SPATA6L: variants seen among roughly 807,000 people sequenced by gnomAD.
SPATA6L encodes the protein spermatogenesis associated 6 like, also known as spermatogenesis associated 6-like protein.
In SPATA6L, 68 loss-of-function variants were observed where a neutral mutation model predicts 49.2. That is an observed-to-expected ratio of 1.38 (90% CI 1.14 to 1.69). SPATA6L has a LOEUF of 1.69. SPATA6L is among the 40% of genes most tolerant of loss of function. The pLI, the probability that SPATA6L is intolerant of heterozygous loss-of-function variation, is 0.00. For synonymous variants in SPATA6L, 198 were observed against 165.7 expected (o/e 1.19, Z -1.50); for missense variants, 668 against 464.3 (o/e 1.44, Z -4.03).
intron 3 of SPATA6L, chr9:4,646,202 G>GA (rs2130678761): frequency 4.5e-6 from 1 of 220,092 alleles, no homozygotes; most frequent in South Asian, 1.4e-4. Context: ...AGCCAGGACT[G>GA]AAAAAATTAT....
At chr9:4,646,577 C>G (rs3780400) in intron 3 of SPATA6L, 87,313 of 1,168,276 alleles carry the variant, frequency 0.075, 3,509 homozygotes, top group Middle Eastern at 0.14. Context: ...TTGCCACAGT[C>G]TTTCAATAAT....
intron 4 of SPATA6L, chr9:4,633,758 C>T (rs1832162410): frequency 6.6e-6 from 1 of 152,214 alleles, no homozygotes; most frequent in African/African-American, 2.4e-5. Flanking sequence ...CTTCTGAGTC[C>T]AGTCAAAAAT....
chr9:4,602,917 T>C (rs1196912141), intron 11 of SPATA6L, among the ~76,000 whole-genome samples: 2 of 152,172 alleles, frequency 1.3e-5, no homozygotes, highest in African/African-American at 4.8e-5. Context: ...TAGATATGAA[T>C]TTGTTTAATA....
At chr9:4,653,801 G>C (rs1401101524) in intron 3 of SPATA6L, among the ~76,000 whole-genome samples, 1 of 152,142 alleles carries the variant, frequency 6.6e-6, no homozygotes, top group Non-Finnish European at 1.5e-5. Flanking sequence ...GCTAGGCATG[G>C]TGCTGTGCGC....
Position 4,622,507 on chromosome 9 carries a change from C to A in SPATA6L, c.673G>T (p.Asp225Tyr), listed in dbSNP as rs761960409. Residue 225 changes from aspartate (D) to tyrosine (Y), a missense_variant, in exon 7 of 12, where the codon GAC (aspartate) becomes TAC (tyrosine). Asp to Tyr is a radical substitution (Grantham distance 160). Coordinates refer to ENST00000682582, the MANE Select transcript of SPATA6L (RefSeq NM_001353486.2). ...SKPPFVVRHV[D>Y]SAKPFGENIS... ...TTCTCACCAAAGGGCTTTGCACTGT[C>A]CACCTGAAAGTAAAGGAAAGAAATA... 1.2e-6 allele frequency: 2 copies of A among 1,605,916 alleles called. No individual in the cohort carries two copies. Among genetic ancestry groups the A allele is most frequent in the Middle Eastern group, 1.7e-4 (1 of 6,048 alleles).
chr9:4,625,225 T>C (rs1164565821), intron 6 of SPATA6L, 102 bp downstream of exon 6: 2 of 1,461,600 alleles, frequency 1.4e-6, no homozygotes, highest in Admixed American at 5.0e-5. Context: ...ACCTTTTTAT[T>C]GAATATTATT....
chr9:4,654,937 T>C (rs1012673948), intron 3 of SPATA6L, among the ~76,000 whole-genome samples: 1 of 152,120 alleles, frequency 6.6e-6, no homozygotes, highest in Non-Finnish European at 1.5e-5. Flanking sequence ...GACCACACCC[T>C]TCCTGTACCG....
intron 3 of SPATA6L, among the ~76,000 whole-genome samples, chr9:4,644,658 T>TTCTCTCTCTC (rs375004235): frequency 2.1e-5 from 3 of 143,002 alleles, no homozygotes; most frequent in Admixed American, 6.9e-5. Flanking sequence ...GTTTTCAGTA[T>TTCTCTCTCTC]TCTCTCTCTC....
chr9:4,653,455 C>T (rs1267186831), intron 3 of SPATA6L, among the ~76,000 whole-genome samples: 1 of 152,136 alleles, frequency 6.6e-6, no homozygotes, highest in Non-Finnish European at 1.5e-5. Context: ...GCAATGGTTT[C>T]TTAGATATGA....
In SPATA6L at chr9:4,635,269, A is replaced by G. The variant is rs367718896; in HGVS notation, c.351+6T>C. 1.3e-6 allele frequency: 2 copies of G among 1,511,178 alleles called. No homozygotes were observed. The highest frequency in any genetic ancestry group is 2.7e-5 in the Admixed American group (1 of 36,632). The allele number at this position is 1,511,178 out of a possible 1,614,324, so 93.6% of individuals were successfully genotyped here. ...ATAGAAGCCCAGATGAGCATGAATC[A>G]CTTACTGGAAAACCCAGAGCCGTCT... On this transcript the variant is annotated splice_donor_region_variant and intron_variant, in intron 4 of 11. Transcript: ENST00000682582.
At chr9:4,605,929 A>G (rs1824726935) in intron 9 of SPATA6L, among the ~76,000 whole-genome samples, 1 of 152,192 alleles carries the variant, frequency 6.6e-6, no homozygotes, top group Non-Finnish European at 1.5e-5. Context: ...AGTGCCAGAC[A>G]GTGGGCGCAG....
At chr9:4,648,463 G>A (rs1397897999) in intron 3 of SPATA6L, among the ~76,000 whole-genome samples, 1 of 152,094 alleles carries the variant, frequency 6.6e-6, no homozygotes, top group African/African-American at 2.4e-5. Flanking sequence ...ACTTTGGGAG[G>A]CCGAGGCGGG....
At chr9:4,650,336 G>A (rs1836522095) in intron 3 of SPATA6L, among the ~76,000 whole-genome samples, 3 of 152,114 alleles carry the variant, frequency 2.0e-5, no homozygotes, top group African/African-American at 7.2e-5. Flanking sequence ...CATCTCAGTT[G>A]CAAATTTCAT....
At chr9:4,649,437 G>C (rs1836304999) in intron 3 of SPATA6L, among the ~76,000 whole-genome samples, 2 of 152,140 alleles carry the variant, frequency 1.3e-5, no homozygotes, top group East Asian at 1.9e-4. Context: ...ATTCTATATA[G>C]TCAATTAATT....
At chr9:4,665,723 G>T (rs538314789) in intron 1 of SPATA6L, among the ~76,000 whole-genome samples, 1 of 152,324 alleles carries the variant, frequency 6.6e-6, no homozygotes, top group South Asian at 2.1e-4. Flanking sequence ...ACGAAATAGT[G>T]ATTGATTGAT....
At chr9:4,656,993 A>G (rs955144359) in intron 2 of SPATA6L, among the ~76,000 whole-genome samples, 3 of 152,238 alleles carry the variant, frequency 2.0e-5, no homozygotes, top group African/African-American at 7.2e-5. Flanking sequence ...CAAAAGTTTT[A>G]AGTGTATCGT....
At chr9:4,602,698 C>T (rs1159455630) in intron 11 of SPATA6L, among the ~76,000 whole-genome samples, 2 of 152,176 alleles carry the variant, frequency 1.3e-5, no homozygotes, top group Non-Finnish European at 2.9e-5. Context: ...TTCCAAAGGG[C>T]CCTCCTTCAC....
chr9:4,652,992 G>A (rs1837278002), intron 3 of SPATA6L, among the ~76,000 whole-genome samples: 1 of 152,110 alleles, frequency 6.6e-6, no homozygotes, highest in Non-Finnish European at 1.5e-5. Flanking sequence ...ATCCTAGCTG[G>A]CTTCTTTGCA....
chr9:4,613,211 T>C (rs200846931), intron 9 of SPATA6L, among the ~76,000 whole-genome samples: 13 of 147,940 alleles, frequency 8.8e-5, no homozygotes, highest in Admixed American at 7.4e-4. Context: ...CTGGGTAACA[T>C]AGCAAGATTC....
Sources: gnomAD v4.1 joint callset for allele counts (sites outside exome capture counted in the v4.1 genomes callset) on GRCh38, gnomAD v4.1.1 for gene constraint, MANE v1.5 for transcripts, NCBI Gene and HGNC (gene_info 2026-07-23, HGNC 2026-07-21) for gene names.